TRIM67: variants seen among roughly 807,000 people sequenced by gnomAD.
TRIM67 encodes the protein tripartite motif-containing protein 67.
Under a neutral mutation model 71.0 loss-of-function variants are expected in TRIM67, and 39 were observed. The observed-to-expected ratio is 0.55, with a 90% confidence interval of 0.43 to 0.72. TRIM67 has a LOEUF of 0.72. Among genes scored for constraint, TRIM67 ranks in the 30% least tolerant of loss-of-function variants. The pLI is 0.00. For missense variants in TRIM67, 973 were observed against 1,079.2 expected (o/e 0.90, Z 1.38); for synonymous variants, 481 against 473.9 (o/e 1.01, Z -0.19).
In TRIM67 at chr1:231,219,157, C is replaced by T. The variant is rs145203647; in HGVS notation, c.*3717C>T. ...ATGTGAATGCTAAAGAACACTGCTG[C>T]ACAGCCCGTGGGGTGGCGCCAGGGT... On this transcript the variant is annotated 3_prime_UTR_variant, in exon 10 of 10. Coordinates refer to ENST00000366653, the MANE Select transcript of TRIM67 (RefSeq NM_001004342.5). The T allele has an allele frequency of 3.4e-4, 338 of 985,552 alleles. 3 individuals are homozygous for T. The Middle Eastern group carries it at 7.8e-3, about 23-fold the overall frequency. 61.1% of individuals were successfully genotyped at this position (985,552 alleles called of 1,614,324 possible). A position where few individuals can be genotyped will look rare whatever the true frequency, so the allele number is the denominator to read the frequency against.
At chr1:231,207,743 CT>C (rs887153072) in intron 7 of TRIM67, among the ~76,000 whole-genome samples, 7 of 152,194 alleles carry the variant, frequency 4.6e-5, no homozygotes, top group African/African-American at 1.4e-4. Context: ...TTGTACACCC[CT>C]AGAGGAGAGC....
intron 1 of TRIM67, among the ~76,000 whole-genome samples, chr1:231,187,103 A>G (rs1683101993): frequency 6.6e-6 from 1 of 152,194 alleles, no homozygotes; most frequent in African/African-American, 2.4e-5. Flanking sequence ...TGTGACCAGG[A>G]AGTCGTAGCT....
chr1:231,163,348 G>A lies in TRIM67; in HGVS notation c.379G>A (p.Val127Met), dbSNP rs767206410. The A allele has an allele frequency of 1.2e-5, 19 of 1,530,088 alleles. No homozygotes were observed. The highest frequency in any genetic ancestry group is 3.7e-5 in the South Asian group (3 of 81,580). The allele number at this position is 1,530,088 out of a possible 1,614,324, so 94.8% of individuals were successfully genotyped here. A position where few individuals can be genotyped will look rare whatever the true frequency, so the allele number is the denominator to read the frequency against. ...PSLKSPNGVR[V>M]LPMVPAPPGS... ...CCTCAAGTCCCCCAACGGGGTTCGC[G>A]TGCTGCCCATGGTGCCCGCACCACC... The change falls in exon 1 of 10, where the codon GTG (valine) becomes ATG (methionine). Residue 127 changes from valine to methionine, a missense_variant. Coordinates refer to ENST00000366653, the MANE Select transcript of TRIM67 (RefSeq NM_001004342.5).
chr1:231,202,090 AGAT>A (rs879934694), intron 5 of TRIM67, among the ~76,000 whole-genome samples: 18 of 65,390 alleles, frequency 2.8e-4, no homozygotes, highest in Non-Finnish European at 3.6e-4. Context: ...GTGGTGGCTA[AGAT>A]AATGGAGGAG....
rs770739366 is a variant in TRIM67 at position 231,221,314 on chromosome 1, G to C, written c.*5874G>C. The stretch of plus-strand genomic sequence containing the variant: ...CACTCGTTGTTGGTATTTGGTGGCA[G>C]CTCTTGGTCCTATTGCTGTGGATGT... On this transcript the variant is annotated 3_prime_UTR_variant, in exon 10 of 10. Coordinates refer to ENST00000366653, the MANE Select transcript of TRIM67 (RefSeq NM_001004342.5). 2.0e-5 allele frequency: 3 copies of C among 152,616 alleles called. No individual in the cohort carries two copies. Among genetic ancestry groups the C allele is most frequent in the Non-Finnish European group, 2.9e-5 (2 of 68,050 alleles). The allele number at this position is 152,616 out of a possible 1,614,324, so 9.5% of individuals were successfully genotyped here.
chr1:231,172,809 G>A (rs1308669483), intron 1 of TRIM67, among the ~76,000 whole-genome samples: 1 of 152,192 alleles, frequency 6.6e-6, no homozygotes, highest in Non-Finnish European at 1.5e-5. Context: ...GGAAACCAGT[G>A]AACTATGAAT....
intron 4 of TRIM67, 124 bp from the exon 5 acceptor site, chr1:231,201,234 C>G (rs192738542): frequency 7.7e-6 from 8 of 1,037,378 alleles, no homozygotes; most frequent in African/African-American, 1.6e-5. Context: ...TGCCATGGCT[C>G]TAGAGCACAA....
At chr1:231,185,034 G>T in intron 1 of TRIM67, 15 of 1,532,988 alleles carry the variant, frequency 9.8e-6, no homozygotes, top group Non-Finnish European at 1.2e-5. Context: ...CTGCTTGCAG[G>T]GCCTAGGCTA....
At chr1:231,193,524 C>CTCTCTCTCTCTCTCTT (rs1398248525) in intron 1 of TRIM67, among the ~76,000 whole-genome samples, 2 of 150,732 alleles carry the variant, frequency 1.3e-5, no homozygotes, top group African/African-American at 4.9e-5. Flanking sequence ...CTCTCTCTCT[C>CTCTCTCTCTCTCTCTT]TCTCTCTCTC....
chr1:231,176,905 G>GAAAAAAAAAA (rs1208064270), intron 1 of TRIM67, among the ~76,000 whole-genome samples: 3 of 39,368 alleles, frequency 7.6e-5, no homozygotes, highest in South Asian at 1.1e-3. Context: ...ATACAATCTG[G>GAAAAAAAAAA]CAAAAAAAAA....
At chr1:231,201,687 G>A (rs1683529754) in intron 5 of TRIM67, among the ~76,000 whole-genome samples, 170 bp downstream of exon 5, 1 of 152,226 alleles carries the variant, frequency 6.6e-6, no homozygotes, top group Non-Finnish European at 1.5e-5. Flanking sequence ...CTCAGCCCCT[G>A]ACAGCCATGT....
At chr1:231,201,628 G>T in intron 5 of TRIM67, 111 bp downstream of exon 5, 2 of 1,347,056 alleles carry the variant, frequency 1.5e-6, no homozygotes, top group Non-Finnish European at 2.0e-6. Flanking sequence ...AGTGTGGCAG[G>T]GTGGGAGAGC....
intron 7 of TRIM67, among the ~76,000 whole-genome samples, chr1:231,207,994 C>T (rs1376693217): frequency 6.6e-6 from 1 of 150,566 alleles, no homozygotes; most frequent in African/African-American, 2.5e-5. Flanking sequence ...TCATCAATAT[C>T]GATTTCCTCC....
intron 6 of TRIM67, 29 bp from the exon 7 acceptor site, chr1:231,206,623 G>T: frequency 6.5e-7 from 1 of 1,536,632 alleles, no homozygotes; most frequent in Non-Finnish European, 8.8e-7. Context: ...TGCTAGAGGA[G>T]CCTGGTGAGC....
chr1:231,219,897 G>T lies in TRIM67; in HGVS notation c.*4457G>T. 1 of 1,289,806 alleles carries T rather than the reference G, an allele frequency of 7.8e-7. No individual in the cohort carries two copies. The highest frequency in any genetic ancestry group is 1.0e-6 in the Non-Finnish European group (1 of 988,880). The allele number at this position is 1,289,806 out of a possible 1,614,324, so 79.9% of individuals were successfully genotyped here. A position where few individuals can be genotyped will look rare whatever the true frequency, so the allele number is the denominator to read the frequency against. ...TGTAAAAATATGAGGGCAGGTTTCGGGCAGGATGTATTGATCAGACACCAA... is the reference window on the plus strand; with the variant it reads ...TGTAAAAATATGAGGGCAGGTTTCGTGCAGGATGTATTGATCAGACACCAA... On this transcript the variant is annotated 3_prime_UTR_variant, in exon 10 of 10. Transcript: ENST00000366653.
rs532070195 is a variant in TRIM67, at chr1:231,186,045, G to A, written c.1045-11326G>A. The A allele has an allele frequency of 1.4e-5, 22 of 1,517,996 alleles. No homozygotes were observed. The East Asian group carries it at 5.1e-4, about 35-fold the overall frequency. The allele number at this position is 1,517,996 out of a possible 1,614,324, so 94.0% of individuals were successfully genotyped here. On this transcript the variant is annotated intron_variant, in intron 1 of 9. Transcript: ENST00000366653. ...GGTTGCAGATTTTCCCAGGGAAAAA[G>A]AAGGGGATGTTCCCCGTGAGCAGAA...
intron 8 of TRIM67, among the ~76,000 whole-genome samples, chr1:231,210,859 G>A (rs1308800393): frequency 2.0e-5 from 3 of 151,536 alleles, no homozygotes; most frequent in African/African-American, 7.3e-5. Context: ...GGGCAACTTA[G>A]TGAGACCCTG....
rs1188530687 is a variant in TRIM67, at chr1:231,209,028, G to A, written c.1901G>A (p.Ser634Asn). ...SNDNQTATCSSYDDRVVLGTA... is the reference protein window; with the variant it reads ...SNDNQTATCSNYDDRVVLGTA... ...GACAACCAGACAGCCACCTGCAGCA[G>A]CTATGACGACCGGGTGGTGCTGGGC... is the stretch of plus-strand genomic sequence containing the variant. Residue 634 changes from serine (S) to asparagine (N), a missense_variant, in exon 8 of 10, where the codon AGC becomes AAC. Physicochemically the swap from Ser to Asn is conservative, Grantham distance 46. Coordinates refer to ENST00000366653, the MANE Select transcript of TRIM67 (RefSeq NM_001004342.5). The surrounding 1 kb of genome is among the most constrained non-coding windows in gnomAD (Gnocchi z 4.1). The A allele has an allele frequency of 6.8e-6, 11 of 1,613,352 alleles. No homozygotes were observed. Among genetic ancestry groups the A allele is most frequent in the Non-Finnish European group, 9.3e-6 (11 of 1,179,494 alleles).
Position 231,220,055 on chromosome 1 carries a change from C to A in TRIM67, c.*4615C>A. ...AATGAGACTAGTCATACTAACCTAC[C>A]TCCTCTGATGTATTGTGAGGATTAT... On this transcript the variant is annotated 3_prime_UTR_variant, in exon 10 of 10. Coordinates refer to ENST00000366653, the MANE Select transcript of TRIM67 (RefSeq NM_001004342.5). 1 of 868,006 alleles carries A rather than the reference C, an allele frequency of 1.2e-6. No individual in the cohort carries two copies. 53.8% of individuals were successfully genotyped at this position (868,006 alleles called of 1,614,324 possible).
Sources: gnomAD v4.1 joint callset for allele counts (sites outside exome capture counted in the v4.1 genomes callset) on GRCh38, gnomAD v4.1.1 for gene constraint, Gnocchi (gnomAD v3.1) non-coding constraint, MANE v1.5 for transcripts, NCBI Gene and HGNC (gene_info 2026-07-23, HGNC 2026-07-21) for gene names.